PLD1: variants seen among roughly 807,000 people sequenced by gnomAD.
The protein encoded by PLD1 is choline phosphatase 1.
In PLD1, 112 loss-of-function variants were observed where a neutral mutation model predicts 137.1. The ratio of observed to expected loss-of-function variants is 0.82; its 90% confidence interval spans 0.70 to 0.96. The LOEUF (loss-of-function observed/expected upper bound fraction) is 0.96, where lower values mean the gene tolerates loss of function less well. PLD1 is among the 40% of genes least tolerant of loss of function. The pLI is 0.00. For synonymous variants in PLD1, 431 were observed against 454.7 expected (o/e 0.95, Z 0.66); for missense variants, 1,321 against 1,342.0 (o/e 0.98, Z 0.24).
At chr3:171,734,744 T>C in intron 5 of PLD1, 121 bp downstream of exon 5, 1 of 629,124 alleles carries the variant, frequency 1.6e-6, no homozygotes. Context: ...TAAACCAGCC[T>C]GGGGATCAAT....
At chr3:171,805,918 T>C (rs1340937135) in intron 1 of PLD1, among the ~76,000 whole-genome samples, 1 of 152,178 alleles carries the variant, frequency 6.6e-6, no homozygotes, top group Non-Finnish European at 1.5e-5. Flanking sequence ...CTCATGCCTG[T>C]GAATCCCAGC....
At chr3:171,677,793 T>C in intron 16 of PLD1, 99 bp from the exon 17 acceptor site, 2 of 1,192,262 alleles carry the variant, frequency 1.7e-6, no homozygotes, top group South Asian at 3.0e-5. Context: ...AGCTTCTTAA[T>C]TTCTTAAGAC....
intron 16 of PLD1, 73 bp downstream of exon 16, chr3:171,686,612 C>G (rs1470000319): frequency 1.2e-5 from 9 of 776,710 alleles, no homozygotes; most frequent in East Asian, 2.5e-5. Flanking sequence ...AACACATTCA[C>G]TATGCCCATG....
intron 19 of PLD1, 97 bp from the exon 20 acceptor site, chr3:171,662,267 T>C: frequency 1.4e-6 from 1 of 699,362 alleles, no homozygotes. Context: ...TCCAGACGAC[T>C]GAATGATTAC....
In PLD1 at chr3:171,602,248, C is replaced by T. The variant is rs75511185; in HGVS notation, c.*830G>A. 2 of 152,180 alleles carry T rather than the reference C, an allele frequency of 1.3e-5. No individual in the cohort carries two copies. Among genetic ancestry groups the T allele is most frequent in the African/African-American group, 4.8e-5 (2 of 41,446 alleles). 9.4% of individuals were successfully genotyped at this position (152,180 alleles called of 1,614,324 possible). A position where few individuals can be genotyped will look rare whatever the true frequency, so the allele number is the denominator to read the frequency against. ...TCCTCCTCGACACCTTGGGGGTTTC[C>T]GAAGGCTGTGTGCTCTCAGTTTTAG... On this transcript the variant is annotated 3_prime_UTR_variant, in exon 27 of 27. Transcript: ENST00000351298.
At chr3:171,689,690 G>A (rs1049624067) in intron 13 of PLD1, among the ~76,000 whole-genome samples, 2 of 152,032 alleles carry the variant, frequency 1.3e-5, no homozygotes, top group Non-Finnish European at 2.9e-5. Context: ...TTGTAGATAT[G>A]GGTGTCTTGC....
At chr3:171,750,467 G>GAA (rs148999439) in intron 1 of PLD1, among the ~76,000 whole-genome samples, 8 of 150,066 alleles carry the variant, frequency 5.3e-5, no homozygotes, top group Non-Finnish European at 7.4e-5. Flanking sequence ...AAATGGGGCA[G>GAA]AAAAAAAAAT....
chr3:171,763,471 G>GACAAGAC (rs1721561771), intron 1 of PLD1, among the ~76,000 whole-genome samples: 1 of 35,506 alleles, frequency 2.8e-5, no homozygotes, highest in Non-Finnish European at 5.6e-5. Context: ...GGAGGGGAGG[G>GACAAGAC]GAGGGGAGGG....
At chr3:171,759,321 A>T (rs1460443908) in intron 1 of PLD1, among the ~76,000 whole-genome samples, 2 of 152,224 alleles carry the variant, frequency 1.3e-5, no homozygotes, top group African/African-American at 2.4e-5. Flanking sequence ...CATGCAAATA[A>T]TGGAATGAAG....
chr3:171,614,394 C>T (rs1436213685), intron 24 of PLD1, among the ~76,000 whole-genome samples: 1 of 152,144 alleles, frequency 6.6e-6, no homozygotes, highest in Non-Finnish European at 1.5e-5. Flanking sequence ...TCTTTCTCAG[C>T]TTTAATATAA....
chr3:171,676,615 C>T (rs953014730), intron 18 of PLD1, 100 bp downstream of exon 18: 3 of 915,194 alleles, frequency 3.3e-6, no homozygotes, highest in Non-Finnish European at 5.3e-6. Flanking sequence ...CAGTTGTGGC[C>T]ACAACAGTCT....
chr3:171,628,959 G>T (rs1307713892), intron 23 of PLD1, among the ~76,000 whole-genome samples: 2 of 146,516 alleles, frequency 1.4e-5, no homozygotes, highest in Non-Finnish European at 3.0e-5. Flanking sequence ...CACAAGACAG[G>T]GATGCCCTCT....
intron 1 of PLD1, among the ~76,000 whole-genome samples, chr3:171,748,263 T>C (rs1042160658): frequency 2.6e-5 from 4 of 152,230 alleles, no homozygotes; most frequent in African/African-American, 9.6e-5. Context: ...AGTCAGACTT[T>C]GTACAACCGC....
intron 25 of PLD1, among the ~76,000 whole-genome samples, chr3:171,609,507 AAC>A (rs371080467): frequency 0.32 from 43,585 of 136,622 alleles, 7,161 homozygotes; most frequent in Non-Finnish European, 0.38. Context: ...ACATAAAGAA[AAC>A]ACACACACAC....
chr3:171,665,031 T>C (rs148283631), intron 19 of PLD1, among the ~76,000 whole-genome samples: 1 of 152,228 alleles, frequency 6.6e-6, no homozygotes, highest in Non-Finnish European at 1.5e-5. Context: ...CATCTGAGTT[T>C]TTCCCTCGAA....
intron 16 of PLD1, among the ~76,000 whole-genome samples, chr3:171,685,019 C>T (rs116255142): frequency 0.047 from 7,085 of 152,290 alleles, 534 homozygotes; most frequent in African/African-American, 0.16. Context: ...CGTAGCTGGA[C>T]CAAGCTTGTC....
chr3:171,799,278 G>T (rs1723552178), intron 1 of PLD1, among the ~76,000 whole-genome samples: 1 of 138,012 alleles, frequency 7.2e-6, no homozygotes, highest in Admixed American at 8.1e-5. Flanking sequence ...GGTGGAGGTT[G>T]CAGTGAGCCA....
intron 1 of PLD1, among the ~76,000 whole-genome samples, chr3:171,808,826 T>TTTTTTTATTTTTTTTTTTA (rs1723985015): frequency 1.5e-5 from 2 of 137,810 alleles, no homozygotes; most frequent in African/African-American, 5.5e-5. Flanking sequence ...TTTTTTTTTT[T>TTTTTTTATTTTTTTTTTTA]TTTTTTTTTT....
chr3:171,683,659 G>C (rs76049912), intron 16 of PLD1, among the ~76,000 whole-genome samples: 2 of 152,186 alleles, frequency 1.3e-5, no homozygotes, highest in East Asian at 3.9e-4. Flanking sequence ...TCTTCCTCCC[G>C]GATCATGCTC....
Sources: gnomAD v4.1 joint callset for allele counts (sites outside exome capture counted in the v4.1 genomes callset) on GRCh38, gnomAD v4.1.1 for gene constraint, MANE v1.5 for transcripts, NCBI Gene and HGNC (gene_info 2026-07-23, HGNC 2026-07-21) for gene names.